The following MEF2C variants were observed in gnomAD, a reference collection of about 807,000 sequenced individuals.
The protein encoded by MEF2C is myocyte enhancer factor 2C, also known as myocyte-specific enhancer factor 2C.
In MEF2C, 6 loss-of-function variants were observed where a neutral mutation model predicts 50.5. The observed-to-expected ratio is 0.12, with a 90% CI of 0.07 to 0.23. MEF2C has a LOEUF of 0.23. Among genes scored for constraint, MEF2C ranks in the 10% least tolerant of loss-of-function variants. The pLI, the probability that MEF2C is intolerant of heterozygous loss-of-function variation, is 1.00. For missense variants in MEF2C, 276 were observed against 605.0 expected (o/e 0.46, Z 5.70); for synonymous variants, 183 against 228.0 (o/e 0.80, Z 1.78).
intron 3 of MEF2C, among the ~76,000 whole-genome samples, chr5:88,797,454 CCTTTTTTTTTTTTTTTT>C (rs1796494958): frequency 7.9e-5 from 2 of 25,242 alleles, no homozygotes; most frequent in South Asian, 2.3e-3. Context: ...GCAACCCTTG[CCTTTTTTTTTTTTTTTT>C]TTTTTTTTTT....
At chr5:88,881,812 A>G (rs962490198) in intron 1 of MEF2C, among the ~76,000 whole-genome samples, 1 of 151,334 alleles carries the variant, frequency 6.6e-6, no homozygotes, top group East Asian at 1.9e-4. Flanking sequence ...CAAGCATTTC[A>G]TAAGACAGTT....
rs957769821 is a variant in MEF2C, at chr5:88,717,577, A to T, written c.*5027T>A. ...CTGCTATTTTGAAGCCACATGCAAC[A>T]TTTCCTCGAACTGCATTCTTTTTGG... On this transcript the variant is annotated 3_prime_UTR_variant, in exon 11 of 11. Coordinates refer to ENST00000504921, the MANE Select transcript of MEF2C (RefSeq NM_002397.5). 45 of 152,204 alleles carry T rather than the reference A, an allele frequency of 3.0e-4. No homozygotes were observed. The highest frequency in any genetic ancestry group is 1.1e-3 in the African/African-American group (44 of 41,454). 9.4% of individuals were successfully genotyped at this position (152,204 alleles called of 1,614,324 possible).
At chr5:88,829,275 TCTC>T (rs1036377146) in intron 1 of MEF2C, among the ~76,000 whole-genome samples, 1 of 151,876 alleles carries the variant, frequency 6.6e-6, no homozygotes, top group Non-Finnish European at 1.5e-5. Context: ...CTCCTTGACT[TCTC>T]CTCCCTTCTG....
chr5:88,722,733 G>C lies in MEF2C; in HGVS notation c.1293C>G (p.Tyr431Ter), dbSNP rs780925017. ...GGTGATCCTCTCGGTCGCTCCCGTCGTACGAACTGCTACAGCTGCTCAAGC... is the reference window on the plus strand; with the variant it reads ...GGTGATCCTCTCGGTCGCTCCCGTCCTACGAACTGCTACAGCTGCTCAAGC... ...VDSLSSCSSS[Y>*]DGSDREDHRN... is the part of the protein sequence containing the mutation. The change falls in exon 11 of 11, where the codon TAC becomes TAG. Residue 431 changes from tyrosine (Y) to a stop codon, truncating the protein, a stop_gained. Transcript: ENST00000504921. LOFTEE classifies it high-confidence loss of function. 1 of 1,613,852 alleles carries C rather than the reference G, an allele frequency of 6.2e-7. No individual in the cohort carries two copies. Among genetic ancestry groups the C allele is most frequent in the Non-Finnish European group, 8.5e-7 (1 of 1,179,898 alleles).
intron 4 of MEF2C, chr5:88,752,546 CTA>C: frequency 1.1e-5 from 10 of 907,770 alleles, no homozygotes; most frequent in Non-Finnish European, 1.3e-5. Flanking sequence ...TTTTTAAAGT[CTA>C]TGTTTTAAAA....
At chr5:88,825,753 C>T (rs1300305678) in intron 1 of MEF2C, 2 of 408,612 alleles carry the variant, frequency 4.9e-6, no homozygotes, top group African/African-American at 2.2e-5. Context: ...ATGGTATTTC[C>T]CATGCACGTT....
At chr5:88,741,977 T>A in intron 6 of MEF2C, 12 of 985,028 alleles carry the variant, frequency 1.2e-5, no homozygotes, top group Non-Finnish European at 1.3e-5. Flanking sequence ...TCAAATATGA[T>A]ACTGTATCAT....
intron 6 of MEF2C, chr5:88,734,927 G>A: frequency 1.0e-6 from 1 of 984,498 alleles, no homozygotes; most frequent in Non-Finnish European, 1.2e-6. Flanking sequence ...TTATTTTTAA[G>A]AACAAATAAA....
chr5:88,809,886 C>T (rs1229415340), intron 2 of MEF2C, among the ~76,000 whole-genome samples: 1 of 152,100 alleles, frequency 6.6e-6, no homozygotes, highest in Non-Finnish European at 1.5e-5. Context: ...TGATGCTTTC[C>T]TTGTCACATT....
At chr5:88,848,712 T>C (rs1273762562) in intron 1 of MEF2C, among the ~76,000 whole-genome samples, 1 of 152,216 alleles carries the variant, frequency 6.6e-6, no homozygotes, top group African/African-American at 2.4e-5. Flanking sequence ...CATTTGCCTA[T>C]GTCATTCTTC....
At chr5:88,752,823 A>G (rs1773456219) in intron 4 of MEF2C, 1 of 935,224 alleles carries the variant, frequency 1.1e-6, no homozygotes, top group African/African-American at 1.8e-5. Flanking sequence ...TTTAAGCAAA[A>G]TCATGTTTAT....
intron 6 of MEF2C, chr5:88,741,091 GAT>G: frequency 1.0e-6 from 1 of 985,418 alleles, no homozygotes; most frequent in Non-Finnish European, 1.2e-6. Context: ...TTCTGCTTCA[GAT>G]TTATTAATAC....
At chr5:88,836,099 T>C (rs1814994247) in intron 1 of MEF2C, among the ~76,000 whole-genome samples, 1 of 152,168 alleles carries the variant, frequency 6.6e-6, no homozygotes, top group Admixed American at 6.5e-5. Context: ...AGTTTTAAAA[T>C]AGGGTAAGTT....
intron 9 of MEF2C, among the ~76,000 whole-genome samples, 156 bp from the exon 10 acceptor site, chr5:88,728,784 C>T (rs190114264): frequency 1.4e-4 from 21 of 152,036 alleles, no homozygotes; most frequent in African/African-American, 3.9e-4. Context: ...AAAGCATCAG[C>T]GATAATTCTA....
At chr5:88,901,970 GC>G (rs1835706362) in intron 1 of MEF2C, among the ~76,000 whole-genome samples, 1 of 151,732 alleles carries the variant, frequency 6.6e-6, no homozygotes. Context: ...TTTGGCAGAA[GC>G]TTTTGGTTTG....
intron 1 of MEF2C, among the ~76,000 whole-genome samples, chr5:88,903,523 A>G (rs1473987159): frequency 1.3e-5 from 2 of 152,070 alleles, no homozygotes; most frequent in Non-Finnish European, 2.9e-5. Context: ...ATGTACCATT[A>G]CACCTTTTTA....
intron 3 of MEF2C, among the ~76,000 whole-genome samples, chr5:88,785,761 A>G (rs2152921038): frequency 1.0e-5 from 1 of 96,094 alleles, no homozygotes; most frequent in South Asian, 3.6e-4. Flanking sequence ...AGACCTTAGG[A>G]AAGTTAGTTA....
intron 3 of MEF2C, among the ~76,000 whole-genome samples, chr5:88,786,460 G>C (rs1790943295): frequency 6.7e-6 from 1 of 149,546 alleles, no homozygotes. Flanking sequence ...AATTTAGAGA[G>C]GGGAAAAAAA....
At chr5:88,816,360 G>A (rs1282284500) in intron 2 of MEF2C, among the ~76,000 whole-genome samples, 1 of 151,868 alleles carries the variant, frequency 6.6e-6, no homozygotes, top group East Asian at 1.9e-4. Flanking sequence ...ACTACATGGT[G>A]GGGAGATTAT....
Sources: allele counts gnomAD v4.1 joint callset (sites outside exome capture counted in the v4.1 genomes callset), GRCh38; gene constraint gnomAD v4.1.1; transcripts MANE v1.5; gene names NCBI Gene and HGNC (gene_info 2026-07-23, HGNC 2026-07-21).